Variants in CHSY3 observed in about 807,000 individuals in gnomAD.
The protein encoded by CHSY3 is chondroitin sulfate synthase 3.
A neutral mutation model predicts 67.2 loss-of-function variants in CHSY3; 35 were observed. The ratio of observed to expected loss-of-function variants is 0.52; its 90% CI spans 0.40 to 0.69. The LOEUF is 0.69. Ranked by LOEUF, CHSY3 falls within the 30% of genes least tolerant of loss-of-function variation. CHSY3 has a pLI of 0.00. For missense variants in CHSY3, 1,069 were observed against 1,138.5 expected (o/e 0.94, Z 0.88); for synonymous variants, 474 against 434.7 (o/e 1.09, Z -1.12).
chr5:130,150,474 A>G (rs1235757923), intron 2 of CHSY3, among the ~76,000 whole-genome samples: 1 of 152,158 alleles, frequency 6.6e-6, no homozygotes, highest in East Asian at 1.9e-4. Flanking sequence ...GTAAATAGAA[A>G]TAATATTGTA....
intron 2 of CHSY3, among the ~76,000 whole-genome samples, chr5:129,934,370 T>A (rs1267497581): frequency 6.6e-6 from 1 of 152,186 alleles, no homozygotes; most frequent in Non-Finnish European, 1.5e-5. Flanking sequence ...CCCTGTTTAC[T>A]GCAATTTAAA....
In CHSY3 at chr5:130,143,810, GTATATATATATATATATA is replaced by G. The variant is rs61284287; in HGVS notation, c.1087-40399_1087-40382del. On this transcript the variant is annotated intron_variant, in intron 2 of 2. Transcript: ENST00000305031. ...TATATATATATATATATATATGTGT[GTATATATATATATATATA>G]TATATATATATATATATATGCCAAT... Among the ~76,000 whole-genome samples the G allele has an allele frequency of 4.1e-4, 23 of 56,484 alleles. 1 individual carries two copies. Among genetic ancestry groups the G allele is most frequent in the Non-Finnish European group, 5.3e-4 (17 of 32,082 alleles). 37.1% of individuals were successfully genotyped at this position (56,484 alleles called of 152,430 possible). A position where few individuals can be genotyped will look rare whatever the true frequency, so the allele number is the denominator to read the frequency against.
chr5:130,094,793 G>A (rs1193439737), intron 2 of CHSY3, among the ~76,000 whole-genome samples: 1 of 152,114 alleles, frequency 6.6e-6, no homozygotes, highest in Admixed American at 6.6e-5. Context: ...TAGGAAGAAA[G>A]GAGCTGACCT....
intron 2 of CHSY3, among the ~76,000 whole-genome samples, chr5:129,930,505 T>A (rs1249591794): frequency 1.3e-5 from 1 of 75,316 alleles, no homozygotes. Flanking sequence ...GAGGCATCAC[T>A]GGCGGGGGGG....
intron 2 of CHSY3, among the ~76,000 whole-genome samples, chr5:130,068,036 T>C (rs1208216051): frequency 1.3e-5 from 2 of 152,202 alleles, no homozygotes; most frequent in East Asian, 3.9e-4. Flanking sequence ...TAAATATGTA[T>C]TACATGTAAC....
intron 2 of CHSY3, among the ~76,000 whole-genome samples, chr5:130,009,248 A>G (rs911542541): frequency 3.9e-5 from 6 of 152,222 alleles, no homozygotes; most frequent in African/African-American, 1.2e-4. Context: ...AGTGAACCCA[A>G]TCAGGCTAAG....
At chr5:130,153,037 C>T (rs2149724790) in intron 2 of CHSY3, among the ~76,000 whole-genome samples, 1 of 152,216 alleles carries the variant, frequency 6.6e-6, no homozygotes, top group East Asian at 1.9e-4. Context: ...TCGAGACCAG[C>T]CTGGCCAAAG....
intron 2 of CHSY3, among the ~76,000 whole-genome samples, chr5:130,011,969 A>G (rs951126217): frequency 6.6e-6 from 1 of 152,260 alleles, no homozygotes; most frequent in South Asian, 2.1e-4. Flanking sequence ...AAATGACACA[A>G]ATAAATGGAA....
chr5:130,068,190 A>G (rs1487108735), intron 2 of CHSY3, among the ~76,000 whole-genome samples: 1 of 152,156 alleles, frequency 6.6e-6, no homozygotes, highest in East Asian at 1.9e-4. Flanking sequence ...GAGCACCACC[A>G]ATTTCTGTTA....
At chr5:129,939,894 A>G (rs1038182844) in intron 2 of CHSY3, among the ~76,000 whole-genome samples, 4 of 152,184 alleles carry the variant, frequency 2.6e-5, no homozygotes, top group Non-Finnish European at 5.9e-5. Flanking sequence ...TGATTATTCA[A>G]TCTCATATTG....
chr5:130,014,557 T>G (rs897569056), intron 2 of CHSY3, among the ~76,000 whole-genome samples: 2 of 152,134 alleles, frequency 1.3e-5, no homozygotes, highest in Non-Finnish European at 2.9e-5. Flanking sequence ...CTCACTATCA[T>G]GAGAACAGCA....
At chr5:129,946,778 A>G (rs139644614) in intron 2 of CHSY3, among the ~76,000 whole-genome samples, 75 of 152,298 alleles carry the variant, frequency 4.9e-4, no homozygotes, top group African/African-American at 1.8e-3. Flanking sequence ...TTTTAAGGCT[A>G]AATAACATTT....
chr5:130,122,958 G>T (rs1157937130), intron 2 of CHSY3, among the ~76,000 whole-genome samples: 1 of 151,984 alleles, frequency 6.6e-6, no homozygotes, highest in African/African-American at 2.4e-5. Context: ...CAAAGTTTTA[G>T]TGATACTAGG....
At chr5:129,963,032 G>A (rs1031382037) in intron 2 of CHSY3, among the ~76,000 whole-genome samples, 1 of 151,852 alleles carries the variant, frequency 6.6e-6, no homozygotes, top group Admixed American at 6.6e-5. Flanking sequence ...TAGATGCCAG[G>A]GTTTCAGCTC....
At chr5:130,016,830 C>A (rs1018371180) in intron 2 of CHSY3, among the ~76,000 whole-genome samples, 1 of 152,142 alleles carries the variant, frequency 6.6e-6, no homozygotes, top group African/African-American at 2.4e-5. Context: ...TCTAGAATTC[C>A]AGCTTGGATT....
chr5:130,055,869 G>T (rs1467158177), intron 2 of CHSY3, among the ~76,000 whole-genome samples: 1 of 152,084 alleles, frequency 6.6e-6, no homozygotes, highest in Non-Finnish European at 1.5e-5. Context: ...TCTCCCTGCA[G>T]AATTGTCATT....
intron 2 of CHSY3, among the ~76,000 whole-genome samples, chr5:130,111,884 T>C (rs937067627): frequency 1.1e-4 from 16 of 145,056 alleles, no homozygotes; most frequent in Non-Finnish European, 2.2e-4. Flanking sequence ...AACACACACA[T>C]ACCGGACTTA....
chr5:130,017,957 C>G (rs886768667), intron 2 of CHSY3, among the ~76,000 whole-genome samples: 2 of 152,156 alleles, frequency 1.3e-5, no homozygotes, highest in Non-Finnish European at 2.9e-5. Flanking sequence ...ATGAGGTTAA[C>G]AGACGCGTAA....
rs73243529 is a variant in CHSY3, at chr5:130,032,688, A to T, written c.1086+124328A>T. On this transcript the variant is annotated intron_variant, in intron 2 of 2. Transcript: ENST00000305031. ...GGCATAAAATGAGTACCCAGGTTAG[A>T]CATACGCCTGGGAAATCAAAGCTGA... 9.0e-3 allele frequency among the ~76,000 whole-genome samples: 1,374 copies of T among 152,252 alleles called. 18 individuals are homozygous for T. The highest frequency in any genetic ancestry group is 0.031 in the African/African-American group (1,304 of 41,554).
Sources: gnomAD v4.1 joint callset for allele counts (sites outside exome capture counted in the v4.1 genomes callset) on GRCh38, gnomAD v4.1.1 for gene constraint, MANE v1.5 for transcripts, NCBI Gene and HGNC (gene_info 2026-07-23, HGNC 2026-07-21) for gene names.